FAAH2: variants seen among roughly 807,000 people sequenced by gnomAD.
FAAH2 encodes the protein fatty-acid amide hydrolase 2.
FAAH2 carries 60 observed loss-of-function variants against 36.9 expected under a neutral mutation model. The ratio of observed to expected loss-of-function variants is 1.63; its 90% CI spans 1.32 to 2.02. The LOEUF (loss-of-function observed/expected upper bound fraction) is 2.02. Ranked by LOEUF, FAAH2 falls within the 30% of genes most tolerant of loss-of-function variation. The pLI is 0.00. For synonymous variants in FAAH2, 214 were observed against 143.8 expected, an observed-to-expected ratio of 1.49 and a Z score of -3.49; for missense variants, 689 against 397.5, an observed-to-expected ratio of 1.73 and a Z score of -6.23.
At chrX:57,302,504 C>T (rs2052402769) in intron 2 of FAAH2, among the ~76,000 whole-genome samples, 1 of 111,184 alleles carries the variant, frequency 9.0e-6, no homozygotes, top group African/African-American at 3.3e-5. Context: ...CCATTATTTA[C>T]AGCACAGTGG....
chrX:57,292,838 A>T (rs1355942444), intron 2 of FAAH2, among the ~76,000 whole-genome samples: 2 of 111,966 alleles, frequency 1.8e-5, no homozygotes, highest in Admixed American at 9.5e-5. Flanking sequence ...CATATCCAAC[A>T]TCCAGAACAA....
the FAAH2 span, among the ~76,000 whole-genome samples, chrX:57,189,221 G>C: frequency 9.1e-6 from 1 of 110,444 alleles, no homozygotes. Context: ...CTTGTGCTGT[G>C]TTTTTTGGCT....
the FAAH2 span, among the ~76,000 whole-genome samples, chrX:57,174,729 C>T: frequency 3.6e-5 from 4 of 111,391 alleles, no homozygotes; most frequent in African/African-American, 1.3e-4. Flanking sequence ...TATAAAGTTT[C>T]CTCTTAGCCC....
the FAAH2 span, among the ~76,000 whole-genome samples, chrX:57,264,425 T>TA: frequency 8.9e-6 from 1 of 112,438 alleles, no homozygotes. Flanking sequence ...ACAAGCATAT[T>TA]AAAAAAAGCT....
intron 7 of FAAH2, among the ~76,000 whole-genome samples, chrX:57,424,199 C>G (rs966243622): frequency 5.3e-5 from 6 of 112,245 alleles, no homozygotes; most frequent in African/African-American, 1.9e-4. Flanking sequence ...TCCAGTCAGT[C>G]CTTTTTTTGG....
chrX:57,190,414 C>T, the FAAH2 span, among the ~76,000 whole-genome samples: 1 of 100,312 alleles, frequency 1.0e-5, no homozygotes, highest in Non-Finnish European at 2.0e-5. Flanking sequence ...ACAGTTTTGT[C>T]TCGCTTGGGT....
At chrX:57,433,534 T>G (rs1179619502) in intron 8 of FAAH2, among the ~76,000 whole-genome samples, 2 of 112,357 alleles carry the variant, frequency 1.8e-5, no homozygotes, top group Admixed American at 1.9e-4. Context: ...ATATAAGATG[T>G]TATGACACAT....
At chrX:57,411,627 T>C (rs1410972664) in intron 7 of FAAH2, among the ~76,000 whole-genome samples, 2 of 112,187 alleles carry the variant, frequency 1.8e-5, no homozygotes, top group African/African-American at 6.5e-5. Flanking sequence ...GCTTTGCTGA[T>C]GTACTCTGTT....
intron 9 of FAAH2, 57 bp downstream of exon 9, chrX:57,447,096 T>A (rs1056478786): frequency 3.3e-6 from 3 of 917,992 alleles, no homozygotes; most frequent in Non-Finnish European, 4.4e-6. Flanking sequence ...TTTCTTAATA[T>A]CTAAATATAA....
At chrX:57,424,901 A>G (rs1023944694) in intron 7 of FAAH2, among the ~76,000 whole-genome samples, 2 of 111,946 alleles carry the variant, frequency 1.8e-5, no homozygotes, top group Non-Finnish European at 1.9e-5. Context: ...AATTTTTGAA[A>G]TACCACGTAA....
chrX:57,217,250 T>TTG, the FAAH2 span, among the ~76,000 whole-genome samples: 1 of 110,558 alleles, frequency 9.0e-6, no homozygotes, highest in Non-Finnish European at 1.9e-5. Context: ...GACGACTGTT[T>TTG]TTTTTTTTTT....
chrX:57,169,318 C>T, the FAAH2 span, among the ~76,000 whole-genome samples: 2 of 100,705 alleles, frequency 2.0e-5, no homozygotes, highest in African/African-American at 7.0e-5. Context: ...GCTGTCATCA[C>T]GTGTGTGTGT....
At chrX:57,245,869 C>A in the FAAH2 span, among the ~76,000 whole-genome samples, 7 of 111,385 alleles carry the variant, frequency 6.3e-5, no homozygotes, top group East Asian at 2.0e-3. Context: ...CAAGAAATAA[C>A]TAAGATCAGA....
chrX:57,448,435 A>G, intron 9 of FAAH2, 89 bp from the exon 10 acceptor site: 1 of 837,754 alleles, frequency 1.2e-6, no homozygotes, highest in Non-Finnish European at 1.6e-6. Context: ...TATAATGAAC[A>G]TGTATTACTT....
chrX:57,268,333 CA>C, the FAAH2 span, among the ~76,000 whole-genome samples: 124 of 110,776 alleles, frequency 1.1e-3, 1 homozygote, highest in African/African-American at 3.5e-3. Context: ...TATAACCCCC[CA>C]AAAAAAATGA....
chrX:57,153,352 G>C, the FAAH2 span, among the ~76,000 whole-genome samples: 1 of 111,876 alleles, frequency 8.9e-6, no homozygotes, highest in Non-Finnish European at 1.9e-5. Flanking sequence ...GGAACATTTA[G>C]GCCATTTATA....
chrX:57,347,453 G>A (rs1288700871), intron 5 of FAAH2, among the ~76,000 whole-genome samples: 1 of 110,549 alleles, frequency 9.0e-6, no homozygotes, highest in African/African-American at 3.3e-5. Flanking sequence ...TCATCTCTCA[G>A]TTCTTAGATC....
chrX:57,380,263 A>C (rs781503952), intron 6 of FAAH2, among the ~76,000 whole-genome samples: 9 of 110,909 alleles, frequency 8.1e-5, no homozygotes, highest in Non-Finnish European at 1.7e-4. Context: ...GAATGACTCC[A>C]TCTACCCTTG....
chrX:57,231,309 G>T, the FAAH2 span, among the ~76,000 whole-genome samples: 1 of 110,371 alleles, frequency 9.1e-6, no homozygotes, highest in Non-Finnish European at 1.9e-5. Flanking sequence ...CTAGCACAAT[G>T]AAGTCACCAA....
Sources: allele counts gnomAD v4.1 joint callset (sites outside exome capture counted in the v4.1 genomes callset), GRCh38; gene constraint gnomAD v4.1.1; transcripts MANE v1.5; gene names NCBI Gene and HGNC (gene_info 2026-07-23, HGNC 2026-07-21).